NOD2: variants seen among roughly 807,000 people sequenced by gnomAD.
NOD2 encodes nucleotide-binding oligomerization domain-containing protein 2.
A neutral mutation model predicts 90.9 loss-of-function variants in NOD2; 86 were observed. The ratio of observed to expected loss-of-function variants is 0.95; its 90% CI spans 0.79 to 1.13. The LOEUF is 1.13. Ranked by LOEUF, NOD2 falls within the 50% of genes most tolerant of loss-of-function variation. The probability of loss-of-function intolerance (pLI) is 0.00; values close to 1 mark genes in which losing one functional copy is unlikely to be tolerated. For synonymous variants in NOD2, 581 were observed against 554.6 expected, an observed-to-expected ratio of 1.05 and a Z score of -0.67; for missense variants, 1,238 against 1,283.8, an observed-to-expected ratio of 0.96 and a Z score of 0.55.
chr16:50,699,940 A>C lies in NOD2; in HGVS notation c.445A>C (p.Thr149Pro). The C allele has an allele frequency of 6.2e-7, 1 of 1,607,692 alleles. No homozygotes were observed. The highest frequency in any genetic ancestry group is 8.5e-7 in the Non-Finnish European group (1 of 1,179,866). The change falls in exon 2 of 12, where the codon ACA (threonine) becomes CCA (proline). Residue 149 changes from threonine to proline, a missense_variant. Coordinates refer to ENST00000647318, the MANE Select transcript of NOD2 (RefSeq NM_001370466.1). ...ECDEIRLPIF[T>P]PSQRARRLLD... The stretch of plus-strand genomic sequence containing the variant: ...TGATGAAATCAGGTTGCCGATCTTC[A>C]CACCGTCCCAGAGGGTGAGGCACTC...
rs1161700878 is a variant in NOD2, at chr16:50,710,867, G to A, written c.875G>A (p.Gly292Glu). 6.2e-7 allele frequency: 1 copy of A among 1,614,108 alleles called. No homozygotes were observed. Among genetic ancestry groups the A allele is most frequent in the Non-Finnish European group, 8.5e-7 (1 of 1,180,022 alleles). ...LQRLHLLWAAGQDFQEFLFVF... is the reference protein window; with the variant it reads ...LQRLHLLWAAEQDFQEFLFVF... Reference sequence around the variant, plus strand: ...CGGCTGCACTTGCTGTGGGCTGCAGGGCAAGACTTCCAGGAATTTCTCTTT... The same window carrying A: ...CGGCTGCACTTGCTGTGGGCTGCAGAGCAAGACTTCCAGGAATTTCTCTTT... Residue 292 changes from glycine (G) to glutamate (E), a missense_variant, in exon 4 of 12, where the codon GGG (glycine) becomes GAG (glutamate). Gly to Glu is a moderately conservative substitution (Grantham distance 98). Transcript: ENST00000647318.
rs946242202 is a variant in NOD2, at chr16:50,710,668, A to G, written c.676A>G (p.Thr226Ala). ...GACGCTCTGCCTGGAGGACATATAC[A>G]CAGAGAATGTCCTGGAGGTCTGGGC... is the stretch of plus-strand genomic sequence containing the variant. ...AETLCLEDIY[T>A]ENVLEVWADV... is the part of the protein sequence containing the mutation. The change falls in exon 4 of 12, where the codon ACA (threonine) becomes GCA (alanine). Residue 226 changes from threonine (T) to alanine (A), a missense_variant. Transcript: ENST00000647318. 6.2e-7 allele frequency: 1 copy of G among 1,614,192 alleles called. No individual in the cohort carries two copies. Among genetic ancestry groups the G allele is most frequent in the African/African-American group, 1.3e-5 (1 of 75,062 alleles).
At chr16:50,723,931 C>A (rs894921220) in intron 9 of NOD2, among the ~76,000 whole-genome samples, 2 of 152,172 alleles carry the variant, frequency 1.3e-5, no homozygotes, top group African/African-American at 4.8e-5. Context: ...GTGACTACTA[C>A]TACTAATAAA....
intron 2 of NOD2, among the ~76,000 whole-genome samples, chr16:50,701,698 C>G (rs1463196986): frequency 2.0e-5 from 3 of 152,106 alleles, no homozygotes; most frequent in Non-Finnish European, 4.4e-5. Flanking sequence ...TAGCCTAGAT[C>G]CCTAGGGCCC....
At chr16:50,722,334 G>A (rs530708420) in intron 7 of NOD2, among the ~76,000 whole-genome samples, 25 of 152,224 alleles carry the variant, frequency 1.6e-4, no homozygotes, top group Non-Finnish European at 2.8e-4. Flanking sequence ...AATTACTCTT[G>A]TCAGTGAGTT....
At position 50,711,923 on chromosome 16, in the gene NOD2, T is replaced by G. The variant is rs754325924; in HGVS notation, c.1931T>G (p.Leu644Arg). ...CTGCAGAAGGCCGAGCCGCACAACC[T>G]TCAGATCACAGCAGCCTTCCTGGCA... ...ALLQKAEPHN[L>R]QITAAFLAGL... The change falls in exon 4 of 12, where the codon CTT (leucine) becomes CGT (arginine). Residue 644 changes from leucine to arginine, a missense_variant. This residue lies in a region of NOD2 where 667 missense variants were observed against 688.7 expected (regional missense o/e 0.97). Transcript: ENST00000647318. 1.5e-5 allele frequency: 24 copies of G among 1,611,242 alleles called. No homozygotes were observed. The South Asian group carries it at 2.6e-4, about 18-fold the overall frequency.
chr16:50,728,270 C>G (rs1213298098), intron 10 of NOD2: 1 of 304,452 alleles, frequency 3.3e-6, no homozygotes, highest in Non-Finnish European at 6.4e-6. Flanking sequence ...TCCTCATCTT[C>G]AAGGCTCTTA....
At chr16:50,718,569 A>G (rs1032667743) in intron 6 of NOD2, among the ~76,000 whole-genome samples, 3 of 152,258 alleles carry the variant, frequency 2.0e-5, no homozygotes, top group Admixed American at 1.3e-4. Flanking sequence ...GGATTACCGT[A>G]TATCATTGTA....
rs1450862076 is a variant in NOD2, at chr16:50,731,904, G to T, written c.*85G>T. 3.9e-6 allele frequency: 4 copies of T among 1,014,998 alleles called. No homozygotes were observed. The African/African-American group carries it at 6.3e-5, about 16-fold the overall frequency. The allele number at this position is 1,014,998 out of a possible 1,614,324, so 62.9% of individuals were successfully genotyped here. A position where few individuals can be genotyped will look rare whatever the true frequency, so the allele number is the denominator to read the frequency against. ...AGAGGCTGGGTGACATGTGTTGGCA[G>T]CCTCTTCAAAATGAGCCCTGTCCTG... On this transcript the variant is annotated 3_prime_UTR_variant, in exon 12 of 12. Transcript: ENST00000647318.
intron 4 of NOD2, among the ~76,000 whole-genome samples, chr16:50,714,566 G>A (rs1964691880): frequency 6.6e-6 from 1 of 152,006 alleles, no homozygotes; most frequent in African/African-American, 2.4e-5. Context: ...AAGGCCGTAG[G>A]GGAGGGGAAG....
At position 50,711,419 on chromosome 16, in the gene NOD2, AG is replaced by A. The variant is rs754761524; in HGVS notation, c.1434del (p.Ser479ProfsTer11). ...TGCCACCAGGAACTGTTGCTGCAGGAGGGGGGGTCCCCAAAGACCACTACAG... is the reference window on the plus strand; with the variant it reads ...TGCCACCAGGAACTGTTGCTGCAGGAGGGGGGTCCCCAAAGACCACTACAG... ...SKCHQELLLQ[E>X]GGSPKTTTDM... On this transcript the variant is annotated frameshift_variant, in exon 4 of 12. Coordinates refer to ENST00000647318, the MANE Select transcript of NOD2 (RefSeq NM_001370466.1). LOFTEE classifies it high-confidence loss of function. 5.2e-5 allele frequency: 84 copies of A among 1,613,454 alleles called. No individual in the cohort carries two copies. The highest frequency in any genetic ancestry group is 4.2e-4 in the Admixed American group (25 of 60,024).
chr16:50,712,046 C>T lies in NOD2; in HGVS notation c.2054C>T (p.Ala685Val). ...RRQACARWCL[A>V]RSLRKHFHSI... ...CAGGCCTGTGCCCGCTGGTGTCTGG[C>T]CCGCAGCCTCCGCAAGCACTTCCAC... The change falls in exon 4 of 12, where the codon GCC becomes GTC. Residue 685 changes from alanine to valine, a missense_variant. Physicochemically the swap from Ala to Val is moderately conservative, Grantham distance 64. Around this residue, in one of 3 missense-constraint regions of NOD2, gnomAD observed 667 missense variants for 688.7 expected, o/e 0.97. Coordinates refer to ENST00000647318, the MANE Select transcript of NOD2 (RefSeq NM_001370466.1). The T allele has an allele frequency of 6.2e-7, 1 of 1,613,216 alleles. No homozygotes were observed. Among genetic ancestry groups the T allele is most frequent in the Non-Finnish European group, 8.5e-7 (1 of 1,179,892 alleles).
intron 10 of NOD2, among the ~76,000 whole-genome samples, chr16:50,726,573 T>G (rs1344363237): frequency 6.6e-6 from 1 of 152,050 alleles, no homozygotes; most frequent in Non-Finnish European, 1.5e-5. Context: ...GCACTGAGGG[T>G]CGGCCTTTGG....
intron 1 of NOD2, chr16:50,697,507 C>T (rs988967894): frequency 7.3e-5 from 49 of 671,892 alleles, no homozygotes; most frequent in Non-Finnish European, 1.0e-4. Context: ...GGGCCGCTGT[C>T]GCATCCTTGG....
At chr16:50,694,245 C>T (rs1963541090) in intron 1 of NOD2, among the ~76,000 whole-genome samples, 1 of 152,148 alleles carries the variant, frequency 6.6e-6, no homozygotes, top group African/African-American at 2.4e-5. Flanking sequence ...GGGCTGGACC[C>T]CTGCTTCTGA....
chr16:50,706,172 A>T (rs1256847581), intron 2 of NOD2, among the ~76,000 whole-genome samples: 1 of 152,226 alleles, frequency 6.6e-6, no homozygotes, highest in African/African-American at 2.4e-5. Flanking sequence ...CAAGGCCCAG[A>T]GGCAGGAGCA....
chr16:50,709,292 C>T (rs558746514), intron 3 of NOD2, among the ~76,000 whole-genome samples: 38 of 152,250 alleles, frequency 2.5e-4, no homozygotes, highest in African/African-American at 8.9e-4. Context: ...AGATAGTCAT[C>T]AGTGAGCTCA....
At chr16:50,696,654 C>T (rs141132426) in intron 1 of NOD2, among the ~76,000 whole-genome samples, 1 of 152,344 alleles carries the variant, frequency 6.6e-6, no homozygotes, top group African/African-American at 2.4e-5. Context: ...GAGAACAGCA[C>T]TAAGGCCAGG....
chr16:50,730,891 A>G (rs1965430666), intron 11 of NOD2, among the ~76,000 whole-genome samples: 1 of 152,194 alleles, frequency 6.6e-6, no homozygotes, highest in Admixed American at 6.5e-5. Context: ...GCAGATATCA[A>G]ATGATGAAGT....
Sources: allele counts gnomAD v4.1 joint callset (sites outside exome capture counted in the v4.1 genomes callset), GRCh38; gene constraint gnomAD v4.1.1; regional missense constraint gnomAD v4.1.1; transcripts MANE v1.5; gene names NCBI Gene and HGNC (gene_info 2026-07-23, HGNC 2026-07-21).